IGFN1: variants seen among roughly 807,000 people sequenced by gnomAD.
IGFN1 encodes immunoglobulin-like and fibronectin type III domain-containing protein 1.
Under a neutral mutation model 289.5 loss-of-function variants are expected in IGFN1, and 253 were observed. The ratio of observed to expected loss-of-function variants is 0.87; its 90% CI spans 0.79 to 0.97. The LOEUF (loss-of-function observed/expected upper bound fraction) is 0.97, where lower values mean the gene tolerates loss of function less well. IGFN1 is among the 50% of genes least tolerant of loss of function. IGFN1 has a pLI of 0.00. For synonymous variants in IGFN1, 1,706 were observed against 1,788.5 expected (o/e 0.95, Z 1.16); for missense variants, 4,470 against 4,686.1 (o/e 0.95, Z 1.35).
chr1:201,226,311 T>C (rs1309984074), intron 22 of IGFN1, among the ~76,000 whole-genome samples, 188 bp downstream of exon 22: 1 of 82,440 alleles, frequency 1.2e-5, no homozygotes, highest in Non-Finnish European at 2.3e-5. Flanking sequence ...CCACCTGTTC[T>C]GGCATCCTCT....
Position 201,221,572 on chromosome 1 carries a change from TCAGA to T in IGFN1, c.10031_10034del (p.Asp3344ValfsTer32), listed in dbSNP as rs1281671790. ...GGGGTATGTGGTGGAGCTGTGCAGCTCAGACAGTCTCCAGTGGCTCCCGTGCCAT... is the reference window on the plus strand; with the variant it reads ...GGGGTATGTGGTGGAGCTGTGCAGCTCAGTCTCCAGTGGCTCCCGTGCCAT... On this transcript the variant is annotated frameshift_variant, in exon 19 of 24. Coordinates refer to ENST00000335211, the MANE Select transcript of IGFN1 (RefSeq NM_001164586.2). LOFTEE classifies it high-confidence loss of function. The T allele has an allele frequency of 8.7e-6, 14 of 1,614,070 alleles. No individual in the cohort carries two copies. Among genetic ancestry groups the T allele is most frequent in the African/African-American group, 8.0e-5 (6 of 74,942 alleles).
chr1:201,193,750 C>CT (rs1208280516), intron 2 of IGFN1, among the ~76,000 whole-genome samples: 110 of 151,674 alleles, frequency 7.3e-4, no homozygotes, highest in Admixed American at 5.5e-3. Flanking sequence ...CCGTGCTTGG[C>CT]TTTTTTTTTG....
In IGFN1 at chr1:201,228,373, CTG is replaced by C; in HGVS notation, c.11114-9_11114-8del. The C allele has an allele frequency of 6.2e-7, 1 of 1,613,978 alleles. No individual in the cohort carries two copies. The highest frequency in any genetic ancestry group is 1.1e-5 in the South Asian group (1 of 91,082). The stretch of plus-strand genomic sequence containing the variant: ...GCCCCTCTGAACCAACTGGAATATC[CTG>C]TGTCTTGCAGAACCCAGCACCTAGC... On this transcript the variant is annotated splice_polypyrimidine_tract_variant and intron_variant, in intron 23 of 23. Coordinates refer to ENST00000335211, the MANE Select transcript of IGFN1 (RefSeq NM_001164586.2).
In IGFN1 at chr1:201,213,138, G is replaced by C; in HGVS notation, c.8245G>C (p.Ala2749Pro). ...CTTAGATGGTCCCTTTGGCAGAAAA[G>C]CCTCTAGAGATAGGTCAGGAGGGAC... Reference protein sequence around the residue: ...NGLDGPFGRKASRDRSGGTQD... With the variant: ...NGLDGPFGRKPSRDRSGGTQD... The change falls in exon 12 of 24, where the codon GCC (alanine) becomes CCC (proline). Residue 2749 changes from alanine to proline, a missense_variant. Ala to Pro is a conservative substitution (Grantham distance 27, BLOSUM62 -1). Transcript: ENST00000335211. 6.4e-7 allele frequency: 1 copy of C among 1,551,666 alleles called. No individual in the cohort carries two copies. Among genetic ancestry groups the C allele is most frequent in the Non-Finnish European group, 8.7e-7 (1 of 1,146,978 alleles).
intron 23 of IGFN1, among the ~76,000 whole-genome samples, chr1:201,227,550 C>T (rs1654191713): frequency 6.6e-6 from 1 of 151,934 alleles, no homozygotes; most frequent in South Asian, 2.1e-4. Flanking sequence ...GCCTCAGCCT[C>T]CTGAATAGCT....
chr1:201,199,553 A>C, intron 6 of IGFN1, 56 bp from the exon 7 acceptor site: 1 of 1,514,096 alleles, frequency 6.6e-7, no homozygotes, highest in Non-Finnish European at 9.0e-7. Context: ...AAAGCTCTGC[A>C]TCAACCCTCA....
In IGFN1 at chr1:201,203,804, C is replaced by T. The variant is rs201921276; in HGVS notation, c.814C>T (p.Arg272Cys). The T allele has an allele frequency of 2.3e-4, 355 of 1,551,624 alleles. No individual in the cohort carries two copies. Among genetic ancestry groups the T allele is most frequent in the South Asian group, 3.3e-4 (28 of 84,054 alleles). ...GCACTGTCTGCGCCGGCTGGGGAAG[C>T]GCTATGAGTTCCAGATTCAAGACCT... ...TKHCLRRLGKRYEFQIQDLRP... is the reference protein window; with the variant it reads ...TKHCLRRLGKCYEFQIQDLRP... The change falls in exon 10 of 24, where the codon CGC becomes TGC. Residue 272 changes from arginine (R) to cysteine (C), a missense_variant. Arg to Cys is a radical substitution (Grantham distance 180). Around this residue, in one of 8 missense-constraint regions of IGFN1, gnomAD observed 2,011 missense variants for 1,953.4 expected, o/e 1.03. Transcript: ENST00000335211.
chr1:201,221,305 G>T, intron 18 of IGFN1, 139 bp from the exon 19 acceptor site: 1 of 661,374 alleles, frequency 1.5e-6, no homozygotes, highest in Non-Finnish European at 2.5e-6. Flanking sequence ...AACAAGGTAG[G>T]TGCTTCAGGA....
chr1:201,209,061 G>T lies in IGFN1; in HGVS notation c.4168G>T (p.Ala1390Ser). 1 of 1,535,790 alleles carries T rather than the reference G, an allele frequency of 6.5e-7. No individual in the cohort carries two copies. Among genetic ancestry groups the T allele is most frequent in the Non-Finnish European group, 8.7e-7 (1 of 1,146,396 alleles). The change falls in exon 12 of 24, where the codon GCA becomes TCA. Residue 1390 changes from alanine (A) to serine (S), a missense_variant. Around this residue, in one of 8 missense-constraint regions of IGFN1, gnomAD observed 2,011 missense variants for 1,953.4 expected, o/e 1.03. Coordinates refer to ENST00000335211, the MANE Select transcript of IGFN1 (RefSeq NM_001164586.2). Reference protein sequence around the residue: ...KDLGVPEGMGAGYRAGLRGPG... With the variant: ...KDLGVPEGMGSGYRAGLRGPG... ...TTTGGGGGTTCCTGAGGGAATGGGT[G>T]CAGGTTACAGGGCTGGTTTAAGGGG...
At position 201,205,276 on chromosome 1, in the gene IGFN1, G is replaced by T; in HGVS notation, c.1111G>T (p.Gly371Trp). ...GCTGACCCACCGGCTGGTGGTGAGG[G>T]GGGCACGTTTCTCAGACATGGGCCC... ...DGLTHRLVVR[G>W]ARFSDMGPYS... The change falls in exon 11 of 24, where the codon GGG (glycine) becomes TGG (tryptophan). Residue 371 changes from glycine to tryptophan, a missense_variant. Physicochemically the swap from Gly to Trp is radical, Grantham distance 184. Coordinates refer to ENST00000335211, the MANE Select transcript of IGFN1 (RefSeq NM_001164586.2). 6.4e-7 allele frequency: 1 copy of T among 1,550,932 alleles called. No homozygotes were observed. The highest frequency in any genetic ancestry group is 8.7e-7 in the Non-Finnish European group (1 of 1,146,954).
chr1:201,194,266 G>T lies in IGFN1; in HGVS notation c.120G>T (p.Leu40=), dbSNP rs532848908. 6 of 1,551,394 alleles carry T rather than the reference G, an allele frequency of 3.9e-6. No individual in the cohort carries two copies. In the African/African-American group the frequency reaches 6.8e-5, roughly 18 times the overall value. ...AGCAGAAGCCCGTCACCTCGGCTCT[G>T]CCAGAGGGTGAGCCCAGAGGGGAGC... ...DFEQKPVTSA[L]PEGKNAVFRA... is the part of the protein sequence containing the mutation. Residue 40 remains leucine, a synonymous_variant, in exon 3 of 24, where the codon CTG becomes CTT. Transcript: ENST00000335211.
rs1336520510 is a variant in IGFN1, at chr1:201,210,717, G to A, written c.5824G>A (p.Glu1942Lys). 1.3e-6 allele frequency: 2 copies of A among 1,532,288 alleles called. No individual in the cohort carries two copies. The highest frequency in any genetic ancestry group is 1.7e-6 in the Non-Finnish European group (2 of 1,145,584). The allele number at this position is 1,532,288 out of a possible 1,614,324, so 94.9% of individuals were successfully genotyped here. The change falls in exon 12 of 24, where the codon GAA becomes AAA. Residue 1942 changes from glutamate to lysine, a missense_variant. Around this residue, in one of 8 missense-constraint regions of IGFN1, gnomAD observed 108 missense variants for 128.7 expected, o/e 0.84. Transcript: ENST00000335211. Reference sequence around the variant, plus strand: ...TGAGGGAATGGGTTCAGGGAGTAAGGAAGGTTTCAGGGATGGTTTAGGGGG... The same window carrying A: ...TGAGGGAATGGGTTCAGGGAGTAAGAAAGGTTTCAGGGATGGTTTAGGGGG... ...APEGMGSGSKEGFRDGLGGSE... is the reference protein window; with the variant it reads ...APEGMGSGSKKGFRDGLGGSE...
chr1:201,205,090 C>T lies in IGFN1; in HGVS notation c.925C>T (p.Pro309Ser), dbSNP rs970864704. The change falls in exon 11 of 24, where the codon CCA (proline) becomes TCA (serine). Residue 309 changes from proline (P) to serine (S), a missense_variant. Pro to Ser is a moderately conservative substitution (Grantham distance 74). This residue lies in a region of IGFN1 where 2,011 missense variants were observed against 1,953.4 expected (regional missense o/e 1.03). Coordinates refer to ENST00000335211, the MANE Select transcript of IGFN1 (RefSeq NM_001164586.2). ...STELEASAIP[P>S]RVVVPLAETH... ...TCCTATTTCCCCGGCAGCCATCCCC[C>T]CAAGAGTGGTGGTCCCACTGGCGGA... is the stretch of plus-strand genomic sequence containing the variant. 1.3e-6 allele frequency: 2 copies of T among 1,545,544 alleles called. No homozygotes were observed. Among genetic ancestry groups the T allele is most frequent in the South Asian group, 1.2e-5 (1 of 83,718 alleles).
intron 10 of IGFN1, 29 bp from the exon 11 acceptor site, chr1:201,205,053 T>C (rs1412993308): frequency 1.4e-5 from 22 of 1,519,964 alleles, no homozygotes; most frequent in Non-Finnish European, 2.0e-5. Context: ...ACCATCAAGC[T>C]GATATCCCCA....
Position 201,228,565 on chromosome 1 carries a change from G to A in IGFN1, c.*166G>A. On this transcript the variant is annotated 3_prime_UTR_variant, in exon 24 of 24. Coordinates refer to ENST00000335211, the MANE Select transcript of IGFN1 (RefSeq NM_001164586.2). ...TTGGCCAGGAGGACGTGAAGTCCTT[G>A]GGGAAGAAAAACAAGGGAGGAGGGC... 1 of 722,116 alleles carries A rather than the reference G, an allele frequency of 1.4e-6. No homozygotes were observed. The allele number at this position is 722,116 out of a possible 1,614,324, so 44.7% of individuals were successfully genotyped here. A position where few individuals can be genotyped will look rare whatever the true frequency, so the allele number is the denominator to read the frequency against.
At chr1:201,218,700 T>C (rs3738268) in intron 18 of IGFN1, 42 bp downstream of exon 18, 1,401,929 of 1,577,434 alleles carry the variant, frequency 0.89, 624,133 homozygotes, top group East Asian at 1. Flanking sequence ...GAGGTGAGCA[T>C]GGGATAGCCC....
Position 201,215,842 on chromosome 1 carries a change from C to A in IGFN1, c.9295+4C>A. 2 of 1,603,760 alleles carry A rather than the reference C, an allele frequency of 1.2e-6. No homozygotes were observed. Among genetic ancestry groups the A allele is most frequent in the South Asian group, 2.3e-5 (2 of 88,648 alleles). On this transcript the variant is annotated splice_donor_region_variant and intron_variant, in intron 15 of 23. Coordinates refer to ENST00000335211, the MANE Select transcript of IGFN1 (RefSeq NM_001164586.2). The stretch of plus-strand genomic sequence containing the variant: ...GAGCTCACTCTGCAAGTCATAGGTA[C>A]CAGCCCTGTCTTCCCCCAACTAAGG...
chr1:201,216,330 T>C, intron 15 of IGFN1, 124 bp from the exon 16 acceptor site: 1 of 747,904 alleles, frequency 1.3e-6, no homozygotes, highest in Non-Finnish European at 2.1e-6. Context: ...ATTGCAGGCT[T>C]ATCTGCTGAT....
rs1311568411 is a variant in IGFN1, at chr1:201,211,618, T to G, written c.6725T>G (p.Met2242Arg). ...GATGGTTTAGGGAGTTCTGGGGAAA[T>G]GGGGTCAATGGATGAGGCAGATTAT... ...FRDGLGSSGE[M>R]GSMDEADYRK... is the part of the protein sequence containing the mutation. The change falls in exon 12 of 24, where the codon ATG becomes AGG. Residue 2242 changes from methionine to arginine, a missense_variant. By Grantham distance (91) the Met-to-Arg change is moderately conservative (BLOSUM62 -1). Transcript: ENST00000335211. 6.5e-7 allele frequency: 1 copy of G among 1,535,032 alleles called. No individual in the cohort carries two copies. Among genetic ancestry groups the G allele is most frequent in the African/African-American group, 1.4e-5 (1 of 72,644 alleles).
Sources: allele counts gnomAD v4.1 joint callset (sites outside exome capture counted in the v4.1 genomes callset), GRCh38; gene constraint gnomAD v4.1.1; regional missense constraint gnomAD v4.1.1; transcripts MANE v1.5; gene names NCBI Gene and HGNC (gene_info 2026-07-23, HGNC 2026-07-21).